Variants in WNK3 observed in about 807,000 individuals in gnomAD.
WNK3 encodes the protein serine/threonine-protein kinase WNK3.
Under a neutral mutation model 116.7 loss-of-function variants are expected in WNK3, and 18 were observed. The ratio of observed to expected loss-of-function variants is 0.15; its 90% CI spans 0.11 to 0.23. WNK3 has a LOEUF of 0.23. WNK3 is among the 10% of genes least tolerant of loss of function. The pLI is 1.00. For missense variants in WNK3, 993 were observed against 1,323.8 expected (o/e 0.75, Z 3.88); for synonymous variants, 404 against 469.4 (o/e 0.86, Z 1.80).
exon 24 of WNK3, chrX:54,198,242 C>G: frequency 1.1e-6 from 1 of 882,770 alleles, no homozygotes; most frequent in Non-Finnish European, 1.5e-6. Context: ...TGACAGAACC[C>G]AAGAGGAAGA....
chrX:54,320,521 A>AT (rs1430081954), intron 2 of WNK3, among the ~76,000 whole-genome samples: 1 of 111,388 alleles, frequency 9.0e-6, no homozygotes, highest in Non-Finnish European at 1.9e-5. Flanking sequence ...ATCAATGAAT[A>AT]TTTTTTTTCT....
chrX:54,311,876 G>A (rs1349531010), intron 2 of WNK3, among the ~76,000 whole-genome samples: 6 of 111,115 alleles, frequency 5.4e-5, no homozygotes, highest in African/African-American at 1.6e-4. Flanking sequence ...CTAAAATTCT[G>A]ATCCCAGACA....
intron 22 of WNK3, among the ~76,000 whole-genome samples, chrX:54,218,217 A>G (rs1175614698): frequency 9.0e-6 from 1 of 111,334 alleles, no homozygotes; most frequent in Non-Finnish European, 1.9e-5. Flanking sequence ...TTTTGTATAT[A>G]TGTGCATTCC....
chrX:54,265,261 C>T (rs782578339), intron 10 of WNK3, among the ~76,000 whole-genome samples: 12 of 110,370 alleles, frequency 1.1e-4, no homozygotes, highest in African/African-American at 3.6e-4. Flanking sequence ...CTGAGGCAGG[C>T]GAATCATTTG....
At chrX:54,280,171 A>G (rs782699384) in intron 10 of WNK3, among the ~76,000 whole-genome samples, 1 of 110,631 alleles carries the variant, frequency 9.0e-6, no homozygotes, top group African/African-American at 3.3e-5. Context: ...GTGGCAGGCA[A>G]CTGTAATCCC....
At chrX:54,211,221 C>T (rs781798402) in intron 22 of WNK3, among the ~76,000 whole-genome samples, 17 of 110,441 alleles carry the variant, frequency 1.5e-4, no homozygotes, top group Non-Finnish European at 3.0e-4. Context: ...GCAGGTGGAT[C>T]ACCTGAGGTC....
At chrX:54,340,099 G>A (rs1487557690) in intron 1 of WNK3, among the ~76,000 whole-genome samples, 6 of 110,775 alleles carry the variant, frequency 5.4e-5, no homozygotes, top group South Asian at 3.8e-4. Flanking sequence ...ACAGTGAGCC[G>A]AGATCACGCC....
rs1383159567 is a variant in WNK3, at chrX:54,352,760, C to T, written c.-120+4926G>A. On this transcript the variant is annotated intron_variant, in intron 1 of 23. Coordinates refer to ENST00000354646, the Ensembl canonical transcript of WNK3. ...AAATAAATGAAAACAGGTATTCAAA[C>T]AAAAACTTGTATACAAATATTCATA... 2.7e-5 allele frequency among the ~76,000 whole-genome samples: 3 copies of T among 111,760 alleles called. No individual in the cohort carries two copies. The Admixed American group carries it at 2.9e-4, about 11-fold the overall frequency.
intron 12 of WNK3, 120 bp from the exon 13 acceptor site, chrX:54,254,195 G>T: frequency 2.3e-6 from 1 of 433,237 alleles, no homozygotes; most frequent in Non-Finnish European, 4.0e-6. Flanking sequence ...AAATAGTTCA[G>T]AATGTTTTCC....
chrX:54,239,236 A>G (rs1557151057), intron 17 of WNK3, 137 bp from the exon 18 acceptor site: 1 of 417,743 alleles, frequency 2.4e-6, no homozygotes, highest in Non-Finnish European at 3.7e-6. Flanking sequence ...TCTTGTATAG[A>G]CTAATCTTTA....
At chrX:54,333,081 A>G in intron 2 of WNK3, 56 bp downstream of exon 2, 2 of 877,975 alleles carry the variant, frequency 2.3e-6, no homozygotes, top group Non-Finnish European at 3.2e-6. Context: ...AATCACACAG[A>G]AGGCCAGGCC....
chrX:54,270,263 G>A (rs960612042), intron 10 of WNK3, among the ~76,000 whole-genome samples: 1 of 108,927 alleles, frequency 9.2e-6, no homozygotes, highest in African/African-American at 3.3e-5. Context: ...GCACCACCAC[G>A]CCCAGCTAAT....
intron 20 of WNK3, among the ~76,000 whole-genome samples, chrX:54,234,416 A>C (rs1428325015): frequency 1.8e-5 from 2 of 111,593 alleles, no homozygotes; most frequent in African/African-American, 6.5e-5. Flanking sequence ...TGAGGTTATG[A>C]GAATCCATGT....
intron 10 of WNK3, among the ~76,000 whole-genome samples, chrX:54,282,810 A>C (rs782153489): frequency 8.9e-6 from 1 of 111,916 alleles, no homozygotes; most frequent in East Asian, 2.8e-4. Context: ...TATATACAAC[A>C]ATTAACTCAA....
chrX:54,262,919 T>G (rs1603384668), intron 10 of WNK3, among the ~76,000 whole-genome samples: 1 of 68,283 alleles, frequency 1.5e-5, no homozygotes, highest in African/African-American at 6.0e-5. Flanking sequence ...GTGACAAGAG[T>G]GAAACTGTCT....
intron 2 of WNK3, among the ~76,000 whole-genome samples, chrX:54,330,766 A>G (rs2069159837): frequency 1.8e-5 from 2 of 112,184 alleles, no homozygotes; most frequent in African/African-American, 6.5e-5. Flanking sequence ...GCAACACGGC[A>G]AAACCCATCT....
chrX:54,325,469 A>G (rs1185590301), intron 2 of WNK3, among the ~76,000 whole-genome samples: 3 of 109,882 alleles, frequency 2.7e-5, no homozygotes, highest in African/African-American at 9.9e-5. Flanking sequence ...ACTTGAAGTC[A>G]GGAGTTCAAG....
chrX:54,311,240 T>A, exon 3 of WNK3: 1 of 1,207,107 alleles, frequency 8.3e-7, no homozygotes, highest in Non-Finnish European at 1.1e-6. Context: ...CCCTTCAACA[T>A]CTCTGCTTCT....
chrX:54,231,014 C>A (rs1355709276), intron 21 of WNK3, among the ~76,000 whole-genome samples: 1 of 112,293 alleles, frequency 8.9e-6, no homozygotes, highest in African/African-American at 3.2e-5. Context: ...ATTTTCTGTC[C>A]CTGGAATCTA....
Sources: gnomAD v4.1 joint callset for allele counts (sites outside exome capture counted in the v4.1 genomes callset) on GRCh38, gnomAD v4.1.1 for gene constraint, MANE v1.5 for transcripts, NCBI Gene and HGNC (gene_info 2026-07-23, HGNC 2026-07-21) for gene names.